FN1: variants seen among roughly 807,000 people sequenced by gnomAD.
FN1 encodes fibronectin.
In FN1, 106 loss-of-function variants were observed where a neutral mutation model predicts 297.3. That is an observed-to-expected ratio of 0.36 (90% CI 0.30 to 0.42). FN1 has a LOEUF of 0.42. Ranked by LOEUF, FN1 falls within the 10% of genes least tolerant of loss-of-function variation. FN1 has a pLI of 1.00. For missense variants in FN1, 2,690 were observed against 3,124.9 expected (o/e 0.86, Z 3.32); for synonymous variants, 1,149 against 1,152.6 (o/e 1.00, Z 0.06).
intron 31 of FN1, among the ~76,000 whole-genome samples, 180 bp downstream of exon 31, chr2:215,383,148 G>A (rs1029944921): frequency 1.9e-4 from 29 of 152,022 alleles, no homozygotes; most frequent in African/African-American, 6.5e-4. Flanking sequence ...GGGATTACAG[G>A]CACAAGCCAC....
intron 6 of FN1, among the ~76,000 whole-genome samples, chr2:215,425,874 G>A (rs1035607978): frequency 2.0e-5 from 3 of 151,282 alleles, no homozygotes; most frequent in Non-Finnish European, 4.4e-5. Context: ...GCCTGGCCGG[G>A]ATTATATTTC....
chr2:215,386,459 A>G (rs1433917431), intron 28 of FN1, among the ~76,000 whole-genome samples: 1 of 151,878 alleles, frequency 6.6e-6, no homozygotes, highest in East Asian at 1.9e-4. Context: ...TGAGAGGAAA[A>G]AAATTATCTT....
In FN1 at chr2:215,384,813, C is replaced by T. The variant is rs189461971; in HGVS notation, c.4729+47G>A. On this transcript the variant is annotated intron_variant, in intron 29 of 45. Transcript: ENST00000354785. ...TGTTGGGCTTTCAGGTTATCCACAA[C>T]AGAATCTGATTTAATCAGAGTGTAA... 8 of 1,293,988 alleles carry T rather than the reference C, an allele frequency of 6.2e-6. No homozygotes were observed. In the African/African-American group the frequency reaches 1.0e-4, roughly 16 times the overall value. 80.2% of individuals were successfully genotyped at this position (1,293,988 alleles called of 1,614,324 possible).
chr2:215,390,681 TGCTCTA>T (rs5838507), intron 26 of FN1, among the ~76,000 whole-genome samples: 47,751 of 151,902 alleles, frequency 0.31, 9,033 homozygotes, highest in South Asian at 0.51. Context: ...GATTCCAGGG[TGCTCTA>T]GAACAGAAGC....
In FN1 at chr2:215,425,099, T is replaced by C; in HGVS notation, c.1031A>G (p.Glu344Gly). 2 of 1,614,152 alleles carry C rather than the reference T, an allele frequency of 1.2e-6. No homozygotes were observed. The highest frequency in any genetic ancestry group is 1.7e-6 in the Non-Finnish European group (2 of 1,179,972). ...TCLGNGVSCQ[E>G]TAVTQTYGGN... is the part of the protein sequence containing the mutation. ...TTCAAAAAGATAATGCATACCTGTC[T>C]CTTGGCAGCTGACTCCGTTGCCCAG... is the stretch of plus-strand genomic sequence containing the variant. The change falls in exon 7 of 46, where the codon GAG becomes GGG. Residue 344 changes from glutamate (E) to glycine (G), a missense_variant. This residue lies in a region of FN1 where 876 missense variants were observed against 1,058.1 expected (regional missense o/e 0.83). Transcript: ENST00000354785.
chr2:215,422,277 A>C, intron 9 of FN1, 34 bp from the exon 10 acceptor site: 2 of 1,604,536 alleles, frequency 1.2e-6, no homozygotes, highest in Non-Finnish European at 1.7e-6. Context: ...GCACTTGATA[A>C]ATGATCACCA....
rs749922153 is a variant in FN1 at position 215,373,395 on chromosome 2, G to C, written c.6174C>G (p.Thr2058=). The C allele has an allele frequency of 1.1e-5, 18 of 1,612,446 alleles. No homozygotes were observed. The highest frequency in any genetic ancestry group is 2.7e-5 in the African/African-American group (2 of 74,748). Residue 2058 remains threonine (T), a synonymous_variant, in exon 39 of 46, where the codon ACC becomes ACG. Coordinates refer to ENST00000354785, the MANE Select transcript of FN1 (RefSeq NM_212482.4). ...GGGCAATGACATAAATTGTATATTC[G>C]GTTCCCGGTTCCAGGCCTGAAGGGA... The part of the protein sequence containing the change: ...EATITGLEPG[T]EYTIYVIALK...
chr2:215,362,089 T>G lies in FN1; in HGVS notation c.7252-10A>C, dbSNP rs762925169. 1.2e-6 allele frequency: 2 copies of G among 1,606,652 alleles called. No individual in the cohort carries two copies. The highest frequency in any genetic ancestry group is 3.3e-5 in the Admixed American group (2 of 59,996). ...TGTCACAGCGCCAGCCCTGAGAGAG[T>G]AGAGGCATGAAGTCAAATGGGGTTT... On this transcript the variant is annotated splice_polypyrimidine_tract_variant and intron_variant, in intron 44 of 45. Transcript: ENST00000354785.
intron 39 of FN1, 121 bp downstream of exon 39, chr2:215,373,201 T>C (rs1575275375): frequency 1.3e-6 from 1 of 766,146 alleles, no homozygotes; most frequent in East Asian, 2.7e-5. Context: ...ACTATGCTGT[T>C]AGATAAAAAA....
In FN1 at chr2:215,361,538, TG is replaced by T; in HGVS notation, c.*16del. On this transcript the variant is annotated 3_prime_UTR_variant, in exon 46 of 46. Transcript: ENST00000354785. The stretch of plus-strand genomic sequence containing the variant: ...TGGCAGAGAGACATGCTTGTTCCTC[TG>T]GATTGGAAAGATGATTTACTCTCGG... 6.4e-7 allele frequency: 1 copy of T among 1,568,018 alleles called. No individual in the cohort carries two copies. The highest frequency in any genetic ancestry group is 8.8e-7 in the Non-Finnish European group (1 of 1,137,966).
rs536873420 is a variant in FN1, at chr2:215,371,490, T to C, written c.6714+419A>G. On this transcript the variant is annotated intron_variant, in intron 40 of 45. Transcript: ENST00000354785. ...AATATCTTTCTTTTCTAGAATCATC[T>C]ATCTTACTCAAAAAGGAACCTCAAA... Among the ~76,000 whole-genome samples, 206 of 150,054 alleles carry C rather than the reference T, an allele frequency of 1.4e-3. 6 individuals are homozygous for C. Among genetic ancestry groups the C allele is most frequent in the Non-Finnish European group, 3.0e-5 (2 of 67,358 alleles).
intron 38 of FN1, 55 bp from the exon 39 acceptor site, chr2:215,373,466 G>A: frequency 6.9e-7 from 1 of 1,458,958 alleles, no homozygotes; most frequent in Non-Finnish European, 9.6e-7. Flanking sequence ...TAGTCAAGTG[G>A]AAGTCGGTCT....
intron 39 of FN1, 116 bp downstream of exon 39, chr2:215,373,205 TA>T: frequency 1.5e-5 from 12 of 790,034 alleles, no homozygotes; most frequent in Non-Finnish European, 2.0e-5. Flanking sequence ...TGCTGTTAGA[TA>T]AAAAAAATCA....
intron 31 of FN1, 149 bp from the exon 32 acceptor site, chr2:215,382,474 T>A: frequency 1.5e-6 from 1 of 674,904 alleles, no homozygotes; most frequent in Non-Finnish European, 2.7e-6. Flanking sequence ...AGACTTTGAT[T>A]TCCTCTTGGA....
At chr2:215,397,073 T>G (rs2060382217) in intron 23 of FN1, 64 bp downstream of exon 23, 1 of 1,038,864 alleles carries the variant, frequency 9.6e-7, no homozygotes. Context: ...GAAACACAGT[T>G]TCTAAAATCT....
In FN1 at chr2:215,401,015, C is replaced by T. The variant is rs181466057; in HGVS notation, c.3254-1664G>A. On this transcript the variant is annotated intron_variant, in intron 20 of 45. Transcript: ENST00000354785. ...TTCACTATGTTGGCCAGGCCAGTCT[C>T]GAACTCCTGACCTTAGGTGATCTAC... is the stretch of plus-strand genomic sequence containing the variant. Among the ~76,000 whole-genome samples, 333 of 149,486 alleles carry T rather than the reference C, an allele frequency of 2.2e-3. 2 individuals are homozygous for T. The highest frequency in any genetic ancestry group is 7.8e-3 in the African/African-American group (318 of 40,568).
chr2:215,425,554 T>C (rs1421802100), intron 6 of FN1, among the ~76,000 whole-genome samples: 1 of 152,060 alleles, frequency 6.6e-6, no homozygotes, highest in Non-Finnish European at 1.5e-5. Flanking sequence ...TGTTTTTTGG[T>C]TTTTTGGGTT....
Position 215,386,933 on chromosome 2 carries a change from G to A in FN1, c.4368C>T (p.Asp1456=), listed in dbSNP as rs778156343. 1 of 1,612,566 alleles carries A rather than the reference G, an allele frequency of 6.2e-7. No individual in the cohort carries two copies. The highest frequency in any genetic ancestry group is 8.5e-7 in the Non-Finnish European group (1 of 1,179,472). The change falls in exon 28 of 46, where the codon GAC becomes GAT. Residue 1456 remains aspartate (D), a synonymous_variant. Transcript: ENST00000354785. ...KTGLDSPTGI[D]FSDITANSFT... Reference sequence around the variant, plus strand: ...AAGAGTTGGCAGTAATATCAGAAAAGTCAATGCCAGTTGGGGAATCAAGAC... The same window carrying A: ...AAGAGTTGGCAGTAATATCAGAAAAATCAATGCCAGTTGGGGAATCAAGAC...
chr2:215,398,616 C>A (rs1000318956), intron 21 of FN1, among the ~76,000 whole-genome samples: 1 of 152,106 alleles, frequency 6.6e-6, no homozygotes, highest in South Asian at 2.1e-4. Flanking sequence ...TTTAAACGAT[C>A]AAGGGGATTG....
Sources: gnomAD v4.1 joint callset for allele counts (sites outside exome capture counted in the v4.1 genomes callset) on GRCh38, gnomAD v4.1.1 for gene constraint, gnomAD v4.1.1 regional missense constraint, MANE v1.5 for transcripts, NCBI Gene and HGNC (gene_info 2026-07-23, HGNC 2026-07-21) for gene names.